CC2D2B: variants seen among roughly 807,000 people sequenced by gnomAD.
CC2D2B encodes protein CC2D2B.
A neutral mutation model predicts 161.2 loss-of-function variants in CC2D2B; 128 were observed. The ratio of observed to expected loss-of-function variants is 0.79; its 90% CI spans 0.69 to 0.92. The LOEUF is 0.92. CC2D2B is among the 40% of genes least tolerant of loss of function. The probability of loss-of-function intolerance (pLI) is 0.00; values close to 1 mark genes in which losing one functional copy is unlikely to be tolerated. For synonymous variants in CC2D2B, 391 were observed against 449.8 expected, an observed-to-expected ratio of 0.87 and a Z score of 1.65; for missense variants, 1,173 against 1,375.1, an observed-to-expected ratio of 0.85 and a Z score of 2.32.
chr10:96,024,255 G>T (rs138869386), intron 32 of CC2D2B, among the ~76,000 whole-genome samples: 382 of 152,156 alleles, frequency 2.5e-3, no homozygotes, highest in Non-Finnish European at 4.1e-3. Context: ...ATGTGTGTGT[G>T]TGTGTGTGTG....
At chr10:96,021,524 A>G (rs1012304771) in intron 32 of CC2D2B, 1 of 152,252 alleles carries the variant, frequency 6.6e-6, no homozygotes. Context: ...GTTGATGCCA[A>G]TGTGCAGCCG....
chr10:96,017,173 A>G (rs2079239129), intron 30 of CC2D2B, among the ~76,000 whole-genome samples: 1 of 152,198 alleles, frequency 6.6e-6, no homozygotes, highest in Non-Finnish European at 1.5e-5. Flanking sequence ...CTTCTTCTAC[A>G]TTTGTACCAC....
At chr10:95,935,957 G>C (rs2075805792) in intron 6 of CC2D2B, among the ~76,000 whole-genome samples, 2 of 152,088 alleles carry the variant, frequency 1.3e-5, no homozygotes, top group Non-Finnish European at 2.9e-5. Flanking sequence ...ATGAATATTT[G>C]AATGAATATT....
rs1325654496 is a variant in CC2D2B at position 96,025,155 on chromosome 10, ATATATATATATATAT to A, written c.3947+245_3947+259del. Among the ~76,000 whole-genome samples, 7 of 41,440 alleles carry A rather than the reference ATATATATATATATAT, an allele frequency of 1.7e-4. 2 individuals carry two copies. Among genetic ancestry groups the A allele is most frequent in the African/African-American group, 5.4e-4 (7 of 12,926 alleles). 27.2% of individuals were successfully genotyped at this position (41,440 alleles called of 152,430 possible). ...GAGACGTCATCTCTACTAAAAAAAA[ATATATATATATATAT>A]ATATATATATATATAAAAAAAAATA... On this transcript the variant is annotated intron_variant, in intron 33 of 34. Coordinates refer to ENST00000646931, the MANE Select transcript of CC2D2B (RefSeq NM_001349008.3).
At chr10:95,998,435 CT>C (rs1244090585) in intron 24 of CC2D2B, among the ~76,000 whole-genome samples, 5 of 152,174 alleles carry the variant, frequency 3.3e-5, no homozygotes, top group Non-Finnish European at 7.3e-5. Flanking sequence ...CTCCCTCCCC[CT>C]GGAACCTTGC....
chr10:95,916,394 G>A (rs574863399), intron 2 of CC2D2B, among the ~76,000 whole-genome samples: 1 of 151,820 alleles, frequency 6.6e-6, no homozygotes, highest in African/African-American at 2.4e-5. Context: ...ATTTTAATGT[G>A]ATTTATTTCC....
intron 29 of CC2D2B, among the ~76,000 whole-genome samples, chr10:96,014,303 T>G (rs2079104840): frequency 6.6e-6 from 1 of 152,204 alleles, no homozygotes; most frequent in Non-Finnish European, 1.5e-5. Context: ...TTAGTCTGAT[T>G]GCCAAATAAA....
rs771373268 is a variant in CC2D2B, at chr10:96,012,613, G to GT, written c.3311dup (p.Thr1105AsnfsTer5). ...GGCAATGTTTCCCAACCGAAGAATC[G>GT]TAACTACTGTTTTTAATGATGAAGG... is the stretch of plus-strand genomic sequence containing the variant. On this transcript the variant is annotated frameshift_variant, in exon 28 of 35. Transcript: ENST00000646931. LOFTEE classifies it high-confidence loss of function. The GT allele has an allele frequency of 1.9e-6, 3 of 1,612,388 alleles. No individual in the cohort carries two copies. The highest frequency in any genetic ancestry group is 1.1e-5 in the South Asian group (1 of 91,040).
chr10:95,938,335 T>C (rs192638260), intron 7 of CC2D2B, 146 bp downstream of exon 7: 43 of 634,292 alleles, frequency 6.8e-5, no homozygotes, highest in African/African-American at 6.6e-4. Flanking sequence ...TTCCCTGAAT[T>C]AAGGGAACTG....
At position 95,969,877 on chromosome 10, in the gene CC2D2B, C is replaced by A. The variant is rs535116581; in HGVS notation, c.1644+976C>A. ...AAATAGGTAAATGTGTATTTTGAGT[C>A]CTTTATCATCCTATCACTTAGCATA... On this transcript the variant is annotated intron_variant, in intron 15 of 34. Transcript: ENST00000646931. Among the ~76,000 whole-genome samples the A allele has an allele frequency of 8.5e-5, 13 of 152,148 alleles. No individual in the cohort carries two copies. In the South Asian group the frequency reaches 1.5e-3, roughly 17 times the overall value.
intron 19 of CC2D2B, among the ~76,000 whole-genome samples, chr10:95,986,306 A>G (rs2077720588): frequency 6.6e-6 from 1 of 151,274 alleles, no homozygotes; most frequent in Non-Finnish European, 1.5e-5. Flanking sequence ...ACCGGCCGAC[A>G]CTTAGGGAAA....
chr10:95,921,815 G>A (rs2098527888), intron 2 of CC2D2B, among the ~76,000 whole-genome samples: 1 of 151,790 alleles, frequency 6.6e-6, no homozygotes, highest in Non-Finnish European at 1.5e-5. Flanking sequence ...GGGGCTGGGG[G>A]AGGGATAGCA....
chr10:95,965,284 G>A (rs1418070952), intron 12 of CC2D2B, among the ~76,000 whole-genome samples: 1 of 152,038 alleles, frequency 6.6e-6, no homozygotes. Context: ...TTACTTCATA[G>A]GGTTGTGATA....
Position 96,019,749 on chromosome 10 carries a change from T to G in CC2D2B, c.3813T>G (p.Phe1271Leu). The G allele has an allele frequency of 6.2e-7, 1 of 1,602,658 alleles. No homozygotes were observed. Among genetic ancestry groups the G allele is most frequent in the Non-Finnish European group, 8.5e-7 (1 of 1,176,742 alleles). ...QQNNTPMAVF[F>L]DYSKESFWKQ... ...ATAATACACCAATGGCTGTATTTTTTGACTATTCAAAGGAAAGTTTCTGGA... is the reference window on the plus strand; with the variant it reads ...ATAATACACCAATGGCTGTATTTTTGGACTATTCAAAGGAAAGTTTCTGGA... The change falls in exon 32 of 35, where the codon TTT (phenylalanine) becomes TTG (leucine). Residue 1271 changes from phenylalanine (F) to leucine (L), a missense_variant. By Grantham distance (22) the Phe-to-Leu change is conservative. Around this residue, in one of 3 missense-constraint regions of CC2D2B, gnomAD observed 598 missense variants for 693.2 expected, o/e 0.86. Coordinates refer to ENST00000646931, the MANE Select transcript of CC2D2B (RefSeq NM_001349008.3).
rs1463261596 is a variant in CC2D2B at position 95,938,671 on chromosome 10, AC to A, written c.639del (p.Asn213LysfsTer10). 13 of 713,868 alleles carry A rather than the reference AC, an allele frequency of 1.8e-5. No individual in the cohort carries two copies. The highest frequency in any genetic ancestry group is 3.4e-5 in the Non-Finnish European group (13 of 383,904). 44.2% of individuals were successfully genotyped at this position (713,868 alleles called of 1,614,324 possible). A position where few individuals can be genotyped will look rare whatever the true frequency, so the allele number is the denominator to read the frequency against. ...CCAGAAATATACAAAAAGACCTGCA[AC>A]AAAATGGAAAATCGCCTGCTTAAAC... Reference protein sequence around the residue: ...RKPEIYKKTCNKMENRLLKLE... With the variant: ...RKPEIYKKTCXKMENRLLKLE... On this transcript the variant is annotated frameshift_variant, in exon 8 of 35. Coordinates refer to ENST00000646931, the MANE Select transcript of CC2D2B (RefSeq NM_001349008.3). LOFTEE classifies it high-confidence loss of function.
rs528299802 is a variant in CC2D2B, at chr10:95,980,275, T to TAG, written c.1944-1700_1944-1699insAG. Among the ~76,000 whole-genome samples, 15 of 152,294 alleles carry TAG rather than the reference T, an allele frequency of 9.8e-5. No homozygotes were observed. The South Asian group carries it at 3.1e-3, about 32-fold the overall frequency. The stretch of plus-strand genomic sequence containing the variant: ...GGTTTTGACCCAAGAACAGCACTGC[T>TAG]GTGAGCCATAGCCTACAGCTAAACG... On this transcript the variant is annotated intron_variant, in intron 17 of 34. Coordinates refer to ENST00000646931, the MANE Select transcript of CC2D2B (RefSeq NM_001349008.3).
At chr10:95,980,509 A>G (rs535048325) in intron 17 of CC2D2B, among the ~76,000 whole-genome samples, 1 of 152,300 alleles carries the variant, frequency 6.6e-6, no homozygotes, top group East Asian at 1.9e-4. Flanking sequence ...GCTGTCTTCT[A>G]GGTGATCTGG....
At chr10:95,908,654 G>T (rs1459957006) in intron 1 of CC2D2B, among the ~76,000 whole-genome samples, 1 of 152,166 alleles carries the variant, frequency 6.6e-6, no homozygotes, top group African/African-American at 2.4e-5. Context: ...CGGCTTAGAT[G>T]GGGAAGTGAT....
intron 19 of CC2D2B, among the ~76,000 whole-genome samples, chr10:95,985,641 C>T (rs2077688257): frequency 6.6e-6 from 1 of 152,038 alleles, no homozygotes; most frequent in Non-Finnish European, 1.5e-5. Flanking sequence ...ATCTGGGCAC[C>T]TTGAAAAAAG....
Sources: allele counts gnomAD v4.1 joint callset (sites outside exome capture counted in the v4.1 genomes callset), GRCh38; gene constraint gnomAD v4.1.1; regional missense constraint gnomAD v4.1.1; transcripts MANE v1.5; gene names NCBI Gene and HGNC (gene_info 2026-07-23, HGNC 2026-07-21).